CTNNA2: variants seen among roughly 807,000 people sequenced by gnomAD.
CTNNA2 encodes catenin alpha-2.
Under a neutral mutation model 101.0 loss-of-function variants are expected in CTNNA2, and 42 were observed. The ratio of observed to expected loss-of-function variants is 0.42; its 90% confidence interval spans 0.32 to 0.54. CTNNA2 has a LOEUF of 0.54. Among genes scored for constraint, CTNNA2 ranks in the 20% least tolerant of loss-of-function variants. The probability of loss-of-function intolerance (pLI) is 0.14; values close to 1 mark genes in which losing one functional copy is unlikely to be tolerated. For synonymous variants in CTNNA2, 450 were observed against 456.4 expected (o/e 0.99, Z 0.18); for missense variants, 871 against 1,223.1 (o/e 0.71, Z 4.29).
At chr2:79,466,867 C>G (rs1670942696) in intron 4 of CTNNA2, among the ~76,000 whole-genome samples, 1 of 152,168 alleles carries the variant, frequency 6.6e-6, no homozygotes, top group Non-Finnish European at 1.5e-5. Flanking sequence ...CATACCAAAA[C>G]CCCATCTGTA....
intron 7 of CTNNA2, among the ~76,000 whole-genome samples, chr2:80,228,095 A>C (rs1708991538): frequency 6.6e-6 from 1 of 152,196 alleles, no homozygotes; most frequent in South Asian, 2.1e-4. Flanking sequence ...AAACTTGGAC[A>C]AACTCTCCAT....
intron 7 of CTNNA2, among the ~76,000 whole-genome samples, chr2:80,330,744 G>T (rs1437107911): frequency 6.6e-6 from 1 of 152,026 alleles, no homozygotes; most frequent in African/African-American, 2.4e-5. Context: ...GAGTCTTGTT[G>T]TTCATTATTG....
At chr2:79,485,067 C>A (rs1370881369) in intron 4 of CTNNA2, among the ~76,000 whole-genome samples, 2 of 152,002 alleles carry the variant, frequency 1.3e-5, no homozygotes, top group African/African-American at 4.8e-5. Context: ...CTGTGTTTAT[C>A]TATATGAAGG....
chr2:80,186,679 T>A (rs1299797737), intron 7 of CTNNA2, among the ~76,000 whole-genome samples: 1 of 152,248 alleles, frequency 6.6e-6, no homozygotes, highest in Non-Finnish European at 1.5e-5. Flanking sequence ...GAGAAGATTT[T>A]GATCGTTCAT....
chr2:80,546,000 G>A lies in CTNNA2; in HGVS notation c.1477G>A (p.Val493Ile). ...CTTCAAAGACCAGTGGGAGAAGCAG[G>A]TCCGAGTGTTGACAGAGGCCGTGGA... ...DVFKDQWEKQ[V>I]RVLTEAVDDI... is the part of the protein sequence containing the mutation. The change falls in exon 11 of 19, where the codon GTC (valine) becomes ATC (isoleucine). Residue 493 changes from valine (V) to isoleucine (I), a missense_variant. Around this residue, in one of 5 missense-constraint regions of CTNNA2, gnomAD observed 647 missense variants for 831.5 expected, o/e 0.78. Coordinates refer to ENST00000402739, the MANE Select transcript of CTNNA2 (RefSeq NM_001282597.3). 1 of 1,614,140 alleles carries A rather than the reference G, an allele frequency of 6.2e-7. No homozygotes were observed. The highest frequency in any genetic ancestry group is 8.5e-7 in the Non-Finnish European group (1 of 1,180,018).
chr2:79,341,561 T>G (rs893044224), intron 3 of CTNNA2, among the ~76,000 whole-genome samples: 4 of 152,336 alleles, frequency 2.6e-5, no homozygotes, highest in African/African-American at 9.6e-5. Flanking sequence ...GGAGCAACGA[T>G]CTTTGTTTCA....
chr2:80,323,448 A>G (rs1678920027), intron 7 of CTNNA2, among the ~76,000 whole-genome samples: 1 of 149,358 alleles, frequency 6.7e-6, no homozygotes, highest in Non-Finnish European at 1.5e-5. Context: ...CTCCTCTTTT[A>G]TTTTCCCATG....
intron 3 of CTNNA2, among the ~76,000 whole-genome samples, chr2:79,338,138 C>T (rs763083365): frequency 2.0e-5 from 3 of 150,432 alleles, no homozygotes; most frequent in Admixed American, 1.3e-4. Flanking sequence ...ATCCATTACT[C>T]GGGAGGCTGA....
intron 7 of CTNNA2, among the ~76,000 whole-genome samples, chr2:80,264,977 GTT>G (rs34918157): frequency 1.9e-3 from 263 of 139,334 alleles, no homozygotes; most frequent in Middle Eastern, 3.8e-3. Context: ...GGGAAGAGGT[GTT>G]TTTTTTTTTT....
chr2:79,222,580 T>C (rs1374478491), intron 2 of CTNNA2, among the ~76,000 whole-genome samples: 1 of 152,166 alleles, frequency 6.6e-6, no homozygotes, highest in Non-Finnish European at 1.5e-5. Flanking sequence ...CATAGATCAA[T>C]ACTTGCACAT....
chr2:80,442,509 A>G (rs563705995), intron 9 of CTNNA2, among the ~76,000 whole-genome samples: 68 of 152,256 alleles, frequency 4.5e-4, no homozygotes, highest in African/African-American at 1.5e-3. Context: ...ACCTGGCTCC[A>G]TCTTGCTTTT....
At chr2:80,055,044 C>T (rs948877360) in intron 7 of CTNNA2, among the ~76,000 whole-genome samples, 5 of 152,048 alleles carry the variant, frequency 3.3e-5, no homozygotes, top group South Asian at 4.2e-4. Flanking sequence ...TGTTATTTTT[C>T]GAGACAAGGT....
intron 4 of CTNNA2, among the ~76,000 whole-genome samples, chr2:79,430,665 C>A (rs188303858): frequency 6.6e-6 from 1 of 152,094 alleles, no homozygotes; most frequent in African/African-American, 2.4e-5. Flanking sequence ...TATTTTAATT[C>A]CATTTTATAT....
chr2:79,687,819 G>T, intron 2 of CTNNA2: 1 of 442,166 alleles, frequency 2.3e-6, no homozygotes, highest in Non-Finnish European at 4.0e-6. Context: ...TCACACTTAG[G>T]GTTTCTGGCA....
At chr2:80,331,310 C>T (rs900359894) in intron 7 of CTNNA2, among the ~76,000 whole-genome samples, 1 of 152,146 alleles carries the variant, frequency 6.6e-6, no homozygotes, top group East Asian at 1.9e-4. Flanking sequence ...CTCTTGCCTC[C>T]GTTTGATTGC....
At chr2:80,434,078 A>G (rs1247068701) in intron 9 of CTNNA2, among the ~76,000 whole-genome samples, 4 of 152,224 alleles carry the variant, frequency 2.6e-5, no homozygotes, top group Non-Finnish European at 4.4e-5. Flanking sequence ...AAAAATACTA[A>G]TGACATGTGT....
chr2:79,329,712 G>A (rs1374473065), intron 3 of CTNNA2, among the ~76,000 whole-genome samples: 2 of 152,118 alleles, frequency 1.3e-5, no homozygotes, highest in African/African-American at 4.8e-5. Flanking sequence ...TCTGTGTTCT[G>A]ATGAGAGACA....
At chr2:79,486,915 A>G (rs916448408) in intron 4 of CTNNA2, among the ~76,000 whole-genome samples, 12 of 152,252 alleles carry the variant, frequency 7.9e-5, no homozygotes, top group African/African-American at 2.9e-4. Flanking sequence ...TCTGTTTTGT[A>G]GCAACAATAC....
chr2:80,433,538 G>A (rs763801203), intron 9 of CTNNA2, among the ~76,000 whole-genome samples: 5 of 152,036 alleles, frequency 3.3e-5, no homozygotes, highest in Non-Finnish European at 7.4e-5. Context: ...CAGACAAGCA[G>A]AACAAGGAAG....
Sources: gnomAD v4.1 joint callset for allele counts (sites outside exome capture counted in the v4.1 genomes callset) on GRCh38, gnomAD v4.1.1 for gene constraint, gnomAD v4.1.1 regional missense constraint, MANE v1.5 for transcripts, NCBI Gene and HGNC (gene_info 2026-07-23, HGNC 2026-07-21) for gene names.